The following ANK3 variants were observed in gnomAD, a reference collection of about 807,000 sequenced individuals.
The protein encoded by ANK3 is ankyrin 3, also known as ankyrin-3.
ANK3 carries 57 observed loss-of-function variants against 370.9 expected under a neutral mutation model. The observed-to-expected ratio is 0.15, with a 90% CI of 0.12 to 0.19. The LOEUF (loss-of-function observed/expected upper bound fraction) is 0.19, where lower values mean the gene tolerates loss of function less well. Among genes scored for constraint, ANK3 ranks in the 10% least tolerant of loss-of-function variants. The pLI is 1.00. For missense variants in ANK3, 4,439 were observed against 5,302.1 expected (o/e 0.84, Z 5.06); for synonymous variants, 1,929 against 1,946.3 (o/e 0.99, Z 0.23).
rs144244161 is a variant in ANK3, at chr10:60,472,218, C to T, written c.96+142968G>A. Reference sequence around the variant, plus strand: ...TACGTGGTTAAGCACCACTGCAATCCTCTTTGCAATTACCTAGCAGTGCTG... The same window carrying T: ...TACGTGGTTAAGCACCACTGCAATCTTCTTTGCAATTACCTAGCAGTGCTG... On this transcript the variant is annotated intron_variant, in intron 2 of 43. Coordinates refer to the ANK3 transcript ENST00000373827. Among the ~76,000 whole-genome samples the T allele has an allele frequency of 3.0e-3, 452 of 152,258 alleles. 2 individuals carry two copies. Among genetic ancestry groups the T allele is most frequent in the African/African-American group, 0.01 (430 of 41,548 alleles).
chr10:60,340,285 C>T (rs1482610428), intron 1 of ANK3, among the ~76,000 whole-genome samples: 1 of 152,166 alleles, frequency 6.6e-6, no homozygotes, highest in Admixed American at 6.5e-5. Context: ...GAGTACTGAA[C>T]TATAATGGCG....
chr10:60,456,755 A>C (rs1221500561), intron 2 of ANK3, among the ~76,000 whole-genome samples: 1 of 152,100 alleles, frequency 6.6e-6, no homozygotes, highest in African/African-American at 2.4e-5. Flanking sequence ...AAGTTCCTCT[A>C]AGACTCAAGT....
chr10:60,533,303 AT>A (rs2076650337), intron 2 of ANK3, among the ~76,000 whole-genome samples: 1 of 152,114 alleles, frequency 6.6e-6, no homozygotes, highest in Non-Finnish European at 1.5e-5. Context: ...GAAGAATCCC[AT>A]CATGTTTGGA....
At chr10:60,558,256 C>T (rs2077255551) in intron 2 of ANK3, among the ~76,000 whole-genome samples, 1 of 152,188 alleles carries the variant, frequency 6.6e-6, no homozygotes, top group Admixed American at 6.5e-5. Flanking sequence ...CAATGTCACA[C>T]AGTAAACTCA....
In ANK3 at chr10:60,626,941, G is replaced by A. The variant is rs190310771; in HGVS notation, c.58-11717C>T. On this transcript the variant is annotated intron_variant, in intron 1 of 43. Transcript: ENST00000373827. ...ATGGTTTTCGAGAAAACCACATAGA[G>A]GTAAAAGCGGGATCATGAGATTGGA... Among the ~76,000 whole-genome samples, 23 of 152,076 alleles carry A rather than the reference G, an allele frequency of 1.5e-4. No individual in the cohort carries two copies. The East Asian group carries it at 3.7e-3, about 24-fold the overall frequency.
intron 2 of ANK3, among the ~76,000 whole-genome samples, chr10:60,568,975 C>T (rs1004653888): frequency 3.9e-5 from 6 of 152,184 alleles, no homozygotes; most frequent in African/African-American, 1.2e-4. Flanking sequence ...ACCATGCTGA[C>T]ACCCTAATCT....
intron 26 of ANK3, among the ~76,000 whole-genome samples, chr10:60,112,556 T>C (rs767227665): frequency 3.9e-5 from 6 of 152,198 alleles, no homozygotes; most frequent in Non-Finnish European, 8.8e-5. Flanking sequence ...TTGAACGATA[T>C]TGTTCTGTTT....
rs527242190 is a variant in ANK3 at position 60,664,036 on chromosome 10, C to T, written c.58-48812G>A. Among the ~76,000 whole-genome samples the T allele has an allele frequency of 2.0e-5, 3 of 152,306 alleles. No homozygotes were observed. The East Asian group carries it at 5.8e-4, about 29-fold the overall frequency. ...CTCAGAAGGCAAAACAAACAGCCTT[C>T]CTGGGAACATAAATGCAGTCTACTG... On this transcript the variant is annotated intron_variant, in intron 1 of 43. Coordinates refer to the ANK3 transcript ENST00000373827.
chr10:60,318,522 T>C (rs1013576529), intron 1 of ANK3, among the ~76,000 whole-genome samples: 2 of 152,090 alleles, frequency 1.3e-5, no homozygotes, highest in African/African-American at 4.8e-5. Flanking sequence ...ACATACAAAT[T>C]GACTCAAAGC....
At chr10:60,606,932 A>G (rs2078136276) in intron 2 of ANK3, among the ~76,000 whole-genome samples, 2 of 152,218 alleles carry the variant, frequency 1.3e-5, no homozygotes, top group Admixed American at 6.5e-5. Context: ...ACACTTGCAC[A>G]TAACAGATGT....
At chr10:60,572,130 TC>T (rs2077615065) in intron 2 of ANK3, among the ~76,000 whole-genome samples, 1 of 152,210 alleles carries the variant, frequency 6.6e-6, no homozygotes, top group Admixed American at 6.5e-5. Context: ...TAACGAGCAT[TC>T]TGTGAAATTT....
intron 41 of ANK3, among the ~76,000 whole-genome samples, chr10:60,056,710 G>A (rs182731604): frequency 2.0e-5 from 3 of 152,166 alleles, no homozygotes; most frequent in East Asian, 1.9e-4. Flanking sequence ...ATTTCAGAAC[G>A]CTTCTCTATC....
intron 1 of ANK3, among the ~76,000 whole-genome samples, chr10:60,726,132 C>T (rs1366899010): frequency 2.0e-5 from 3 of 152,128 alleles, no homozygotes; most frequent in African/African-American, 7.2e-5. Flanking sequence ...TGATCATCTA[C>T]TATATCAGCA....
chr10:60,043,316 C>T (rs988520859), intron 42 of ANK3: 1 of 985,176 alleles, frequency 1.0e-6, no homozygotes, highest in African/African-American at 1.7e-5. Flanking sequence ...AGTTTTTACC[C>T]AATTTTTAAC....
intron 1 of ANK3, among the ~76,000 whole-genome samples, chr10:60,311,244 A>C (rs1441645190): frequency 3.3e-5 from 5 of 152,154 alleles, no homozygotes. Context: ...ATGAATGAAG[A>C]AGCAAGGAAT....
intron 1 of ANK3, among the ~76,000 whole-genome samples, chr10:60,661,856 T>G (rs1475451218): frequency 6.6e-6 from 1 of 152,152 alleles, no homozygotes; most frequent in African/African-American, 2.4e-5. Context: ...GCATTACTAC[T>G]TCCTCTAAGT....
At chr10:60,395,132 A>G (rs1373768902) in intron 2 of ANK3, among the ~76,000 whole-genome samples, 1 of 152,222 alleles carries the variant, frequency 6.6e-6, no homozygotes, top group Non-Finnish European at 1.5e-5. Flanking sequence ...ATGCAAATCT[A>G]CTTTTCTAAC....
intron 2 of ANK3, among the ~76,000 whole-genome samples, chr10:60,478,249 A>G (rs762446857): frequency 1.3e-5 from 2 of 152,058 alleles, no homozygotes; most frequent in Admixed American, 6.6e-5. Flanking sequence ...TCATGGTCCA[A>G]TTTCAAGTTC....
chr10:60,386,268 T>C (rs2062295534), intron 1 of ANK3, among the ~76,000 whole-genome samples: 1 of 151,934 alleles, frequency 6.6e-6, no homozygotes, highest in South Asian at 2.1e-4. Context: ...GGGAAAAAGA[T>C]ATGGCAGGGA....
Sources: gnomAD v4.1 joint callset for allele counts (sites outside exome capture counted in the v4.1 genomes callset) on GRCh38, gnomAD v4.1.1 for gene constraint, MANE v1.5 for transcripts, NCBI Gene and HGNC (gene_info 2026-07-23, HGNC 2026-07-21) for gene names.